KNDC1: variants seen among roughly 807,000 people sequenced by gnomAD.
KNDC1 encodes the protein kinase non-catalytic C-lobe domain-containing protein 1.
A neutral mutation model predicts 172.8 loss-of-function variants in KNDC1; 106 were observed. The ratio of observed to expected loss-of-function variants is 0.61; its 90% CI spans 0.52 to 0.72. KNDC1 has a LOEUF of 0.72. Ranked by LOEUF, KNDC1 falls within the 30% of genes least tolerant of loss-of-function variation. KNDC1 has a pLI of 0.00. For missense variants in KNDC1, 2,325 were observed against 2,394.5 expected, an observed-to-expected ratio of 0.97 and a Z score of 0.61; for synonymous variants, 1,083 against 1,062.2, an observed-to-expected ratio of 1.02 and a Z score of -0.38.
chr10:133,169,241 G>A (rs1245473974), intron 3 of KNDC1, among the ~76,000 whole-genome samples: 8 of 152,098 alleles, frequency 5.3e-5, no homozygotes, highest in Non-Finnish European at 8.8e-5. Context: ...CGGGCAGATC[G>A]CTTGAGCCCA....
intron 29 of KNDC1, among the ~76,000 whole-genome samples, chr10:133,223,895 C>T (rs1352215060): frequency 1.3e-4 from 14 of 107,920 alleles, no homozygotes; most frequent in African/African-American, 4.5e-4. Context: ...ATGCTCTTCC[C>T]GGCGTGTGTG....
At chr10:133,210,772 A>G in intron 21 of KNDC1, 48 bp downstream of exon 21, 5 of 1,482,078 alleles carry the variant, frequency 3.4e-6, no homozygotes, top group Non-Finnish European at 3.8e-6. Flanking sequence ...CCCCTGGGGC[A>G]GGGTGGGCGC....
chr10:133,176,934 G>C (rs1404754683), intron 3 of KNDC1, among the ~76,000 whole-genome samples: 1 of 152,226 alleles, frequency 6.6e-6, no homozygotes, highest in Non-Finnish European at 1.5e-5. Context: ...GTGCAGACGT[G>C]CCCTAGCTGG....
rs369332675 is a variant in KNDC1, at chr10:133,219,016, G to A, written c.4801-15G>A. On this transcript the variant is annotated splice_polypyrimidine_tract_variant and intron_variant, in intron 27 of 29. Coordinates refer to ENST00000304613, the MANE Select transcript of KNDC1 (RefSeq NM_152643.8). ...CCGCACGGCCGCAGGAGGCTCACCT[G>A]TGCTTTCATTTCAGGCCTGGAGAAT... is the stretch of plus-strand genomic sequence containing the variant. 1.2e-6 allele frequency: 2 copies of A among 1,613,982 alleles called. No individual in the cohort carries two copies. The highest frequency in any genetic ancestry group is 1.7e-6 in the Non-Finnish European group (2 of 1,179,976).
intron 3 of KNDC1, among the ~76,000 whole-genome samples, chr10:133,168,762 G>T (rs1180708421): frequency 6.6e-6 from 1 of 152,254 alleles, no homozygotes; most frequent in East Asian, 1.9e-4. Flanking sequence ...CCAGACACAA[G>T]GCCTCCAGGC....
intron 3 of KNDC1, among the ~76,000 whole-genome samples, chr10:133,179,774 G>A (rs1186658075): frequency 2.0e-5 from 3 of 152,100 alleles, no homozygotes; most frequent in Non-Finnish European, 2.9e-5. Context: ...AGAGAGGCCC[G>A]GAGCAGGAAG....
At chr10:133,169,259 A>G (rs2998149) in intron 3 of KNDC1, among the ~76,000 whole-genome samples, 124,792 of 152,160 alleles carry the variant, frequency 0.82, 51,300 homozygotes, top group Middle Eastern at 0.93. Flanking sequence ...CCAGGAGTTC[A>G]AGACCAGCCT....
intron 1 of KNDC1, among the ~76,000 whole-genome samples, chr10:133,166,648 C>A (rs1270148627): frequency 6.6e-6 from 1 of 151,914 alleles, no homozygotes; most frequent in Admixed American, 6.6e-5. Flanking sequence ...GTGAGCGTGC[C>A]CTGTGTTGGC....
intron 3 of KNDC1, among the ~76,000 whole-genome samples, chr10:133,175,278 G>A (rs571779202): frequency 5.7e-4 from 86 of 150,518 alleles, no homozygotes; most frequent in Admixed American, 7.3e-4. Context: ...TGGTGGATAT[G>A]TGGATGGATG....
chr10:133,221,187 C>T (rs891779190), intron 29 of KNDC1, among the ~76,000 whole-genome samples: 2 of 152,092 alleles, frequency 1.3e-5, no homozygotes, highest in African/African-American at 4.8e-5. Flanking sequence ...GCCACAGTGT[C>T]CCTGCTCCCC....
At chr10:133,203,590 T>C (rs1264436125) in intron 17 of KNDC1, among the ~76,000 whole-genome samples, 2 of 152,064 alleles carry the variant, frequency 1.3e-5, no homozygotes, top group African/African-American at 4.8e-5. Flanking sequence ...GTGCCGGCCG[T>C]GTGTGCTGGG....
At chr10:133,193,832 G>A (rs1019640033) in intron 9 of KNDC1, among the ~76,000 whole-genome samples, 2 of 152,144 alleles carry the variant, frequency 1.3e-5, no homozygotes, top group Non-Finnish European at 2.9e-5. Context: ...GATAAAGAGG[G>A]ACATTCTATA....
Position 133,207,177 on chromosome 10 carries a change from T to C in KNDC1, c.3620T>C (p.Leu1207Pro). ...CGCTGGGGCCTGGAGCCCTGCACCC[T>C]CCCAGTGATCGTGAACATCGCGGCC... ...AERWGLEPCT[L>P]PVIVNIAAAP... Residue 1207 changes from leucine (L) to proline (P), a missense_variant, in exon 20 of 30, where the codon CTC (leucine) becomes CCC (proline). By Grantham distance (98) the Leu-to-Pro change is moderately conservative (BLOSUM62 -3). Coordinates refer to ENST00000304613, the MANE Select transcript of KNDC1 (RefSeq NM_152643.8). 6.2e-7 allele frequency: 1 copy of C among 1,608,040 alleles called. No homozygotes were observed. Among genetic ancestry groups the C allele is most frequent in the Non-Finnish European group, 8.5e-7 (1 of 1,178,316 alleles).
chr10:133,183,523 GTGA>G, intron 4 of KNDC1, 33 bp downstream of exon 4: 1 of 1,574,830 alleles, frequency 6.3e-7, no homozygotes, highest in South Asian at 1.2e-5. Context: ...ACCCCAGGCT[GTGA>G]CCCTGACCCC....
Position 133,224,691 on chromosome 10 carries a change from C to A in KNDC1, c.5051C>A (p.Ala1684Glu), listed in dbSNP as rs749712577. 2 of 1,613,930 alleles carry A rather than the reference C, an allele frequency of 1.2e-6. No homozygotes were observed. Among genetic ancestry groups the A allele is most frequent in the Non-Finnish European group, 1.7e-6 (2 of 1,179,990 alleles). Residue 1684 changes from alanine (A) to glutamate (E), a missense_variant, in exon 30 of 30, where the codon GCG becomes GAG. Coordinates refer to ENST00000304613, the MANE Select transcript of KNDC1 (RefSeq NM_152643.8). The surrounding 1 kb of genome is among the most constrained non-coding windows in gnomAD (Gnocchi z 5.4). Reference sequence around the variant, plus strand: ...GCAAAGGTGGTGAGCCAGGTGCACGCGTTCCAGGAGAACCCTTACACCTTC... The same window carrying A: ...GCAAAGGTGGTGAGCCAGGTGCACGAGTTCCAGGAGAACCCTTACACCTTC... ...NIAKVVSQVH[A>E]FQENPYTFSP...
intron 1 of KNDC1, among the ~76,000 whole-genome samples, chr10:133,165,825 G>T (rs1398356058): frequency 1.3e-5 from 2 of 152,168 alleles, no homozygotes; most frequent in Non-Finnish European, 2.9e-5. Context: ...GCAGGCTTGA[G>T]CCCAAATCAA....
At chr10:133,187,419 G>A (rs1853951665) in intron 6 of KNDC1, among the ~76,000 whole-genome samples, 1 of 152,262 alleles carries the variant, frequency 6.6e-6, no homozygotes, top group Non-Finnish European at 1.5e-5. Context: ...CCCCAGCTGT[G>A]TCCCCGTGAG....
intron 3 of KNDC1, among the ~76,000 whole-genome samples, chr10:133,180,104 G>A (rs1011804523): frequency 4.6e-5 from 7 of 152,216 alleles, no homozygotes; most frequent in Non-Finnish European, 5.9e-5. Context: ...TCACTCAAAC[G>A]GCTGCTCTTC....
chr10:133,175,333 G>A (rs550879945), intron 3 of KNDC1, among the ~76,000 whole-genome samples: 1 of 117,436 alleles, frequency 8.5e-6, no homozygotes, highest in East Asian at 3.2e-4. Context: ...TGGACATGTG[G>A]TTGGATAGAT....
Sources: allele counts gnomAD v4.1 joint callset (sites outside exome capture counted in the v4.1 genomes callset), GRCh38; gene constraint gnomAD v4.1.1; non-coding constraint Gnocchi (gnomAD v3.1); transcripts MANE v1.5; gene names NCBI Gene and HGNC (gene_info 2026-07-23, HGNC 2026-07-21).